Variants in UGT2A2 observed in about 807,000 individuals in gnomAD.
The protein encoded by UGT2A2 is UDP glucuronosyltransferase family 2 member A2, also known as UDP-glucuronosyltransferase 2A2.
A neutral mutation model predicts 50.7 loss-of-function variants in UGT2A2; 60 were observed. The ratio of observed to expected loss-of-function variants is 1.18; its 90% confidence interval spans 0.96 to 1.47. The LOEUF is 1.47. UGT2A2 is among the 40% of genes most tolerant of loss of function. The pLI, the probability that UGT2A2 is intolerant of heterozygous loss-of-function variation, is 0.00. For missense variants in UGT2A2, 762 were observed against 634.0 expected (o/e 1.20, Z -2.17); for synonymous variants, 242 against 214.6 (o/e 1.13, Z -1.11).
chr4:69,605,766 A>G (rs574437317), intron 1 of UGT2A2, among the ~76,000 whole-genome samples: 2 of 137,334 alleles, frequency 1.5e-5, no homozygotes, highest in South Asian at 4.7e-4. Flanking sequence ...ACAGAAATAC[A>G]AAGTACCATC....
chr4:69,634,907 T>G (rs893576725), intron 1 of UGT2A2, among the ~76,000 whole-genome samples: 1 of 152,122 alleles, frequency 6.6e-6, no homozygotes, highest in Admixed American at 6.5e-5. Context: ...CTGGAGTGTC[T>G]CATTAACTGT....
chr4:69,634,565 T>G (rs1577995985), intron 1 of UGT2A2, among the ~76,000 whole-genome samples: 1 of 152,156 alleles, frequency 6.6e-6, no homozygotes, highest in East Asian at 1.9e-4. Flanking sequence ...GGCTGTTTTT[T>G]TCTTAAGTTA....
chr4:69,613,565 C>T (rs1203721101), intron 1 of UGT2A2, among the ~76,000 whole-genome samples: 1 of 151,920 alleles, frequency 6.6e-6, no homozygotes, highest in Non-Finnish European at 1.5e-5. Context: ...AACATAGACA[C>T]AAACATCTTA....
rs1409689683 is a variant in UGT2A2 at position 69,588,570 on chromosome 4, AATG to A, written c.*799_*801del. ...TACAGTTGACTAAAAATTTTATAAAAATGATAATTATTTTCTAGATTTCTAATT... is the reference window on the plus strand; with the variant it reads ...TACAGTTGACTAAAAATTTTATAAAAATAATTATTTTCTAGATTTCTAATT... On this transcript the variant is annotated 3_prime_UTR_variant, in exon 6 of 6. Transcript: ENST00000604629. 3 of 152,118 alleles carry A rather than the reference AATG, an allele frequency of 2.0e-5. No individual in the cohort carries two copies. Among genetic ancestry groups the A allele is most frequent in the African/African-American group, 7.2e-5 (3 of 41,454 alleles). The allele number at this position is 152,118 out of a possible 1,614,324, so 9.4% of individuals were successfully genotyped here. A position where few individuals can be genotyped will look rare whatever the true frequency, so the allele number is the denominator to read the frequency against.
At chr4:69,610,612 G>T (rs999490064) in intron 1 of UGT2A2, among the ~76,000 whole-genome samples, 1 of 152,108 alleles carries the variant, frequency 6.6e-6, no homozygotes, top group Non-Finnish European at 1.5e-5. Context: ...TGAAGATAAG[G>T]CCTTTAGAGA....
chr4:69,599,581 A>T (rs1560470073), intron 1 of UGT2A2, 187 bp from the exon 2 acceptor site: 3 of 832,440 alleles, frequency 3.6e-6, no homozygotes, highest in Non-Finnish European at 4.9e-6. Flanking sequence ...AGGAAGGAGG[A>T]AGGAAGAAAA....
Position 69,618,187 on chromosome 4 carries a change from ATG to A in UGT2A2, c.743-18795_743-18794del, listed in dbSNP as rs72430246. On this transcript the variant is annotated intron_variant, in intron 1 of 5. Coordinates refer to ENST00000604629, the MANE Select transcript of UGT2A2 (RefSeq NM_001105677.2). ...TTCACAGATAAATAGGCCAGTAAGC[ATG>A]TGTGTGTGTGTGTGTGTGTGTGTGT... is the stretch of plus-strand genomic sequence containing the variant. 4.0e-3 allele frequency among the ~76,000 whole-genome samples: 571 copies of A among 144,422 alleles called. 1 individual carries two copies. Among genetic ancestry groups the A allele is most frequent in the South Asian group, 0.011 (51 of 4,474 alleles). The allele number at this position is 144,422 out of a possible 152,430, so 94.7% of individuals were successfully genotyped here.
At chr4:69,595,345 G>A in intron 3 of UGT2A2, 96 bp from the exon 4 acceptor site, 2 of 1,402,282 alleles carry the variant, frequency 1.4e-6, no homozygotes, top group Non-Finnish European at 2.0e-6. Context: ...CAGCTACTTG[G>A]AAGACGGGAA....
chr4:69,620,566 A>G (rs1364514030), intron 1 of UGT2A2, among the ~76,000 whole-genome samples: 1 of 151,868 alleles, frequency 6.6e-6, no homozygotes, highest in Admixed American at 6.6e-5. Flanking sequence ...AAAGCAATTT[A>G]GAGATTCAAG....
At chr4:69,616,071 G>T (rs1485805055) in intron 1 of UGT2A2, among the ~76,000 whole-genome samples, 1 of 151,978 alleles carries the variant, frequency 6.6e-6, no homozygotes, top group Non-Finnish European at 1.5e-5. Flanking sequence ...TAACTTGGAT[G>T]AATCTAGAGT....
chr4:69,614,268 C>T (rs1349118637), intron 1 of UGT2A2, among the ~76,000 whole-genome samples: 9 of 151,648 alleles, frequency 5.9e-5, no homozygotes, highest in Non-Finnish European at 8.8e-5. Flanking sequence ...GAATCAAATA[C>T]GAGAAATATA....
intron 1 of UGT2A2, among the ~76,000 whole-genome samples, chr4:69,607,621 A>G (rs1333530818): frequency 6.6e-6 from 1 of 152,186 alleles, no homozygotes; most frequent in South Asian, 2.1e-4. Context: ...CTACCATCAG[A>G]GTGAACAGGC....
intron 1 of UGT2A2, among the ~76,000 whole-genome samples, chr4:69,607,448 C>T (rs1027059507): frequency 4.1e-4 from 62 of 152,020 alleles, no homozygotes; most frequent in Admixed American, 7.2e-4. Flanking sequence ...ACATGTTAGA[C>T]CTAAAACCAT....
chr4:69,589,778 G>T (rs1212392064), intron 5 of UGT2A2, 127 bp from the exon 6 acceptor site: 1 of 1,345,086 alleles, frequency 7.4e-7, no homozygotes, highest in Non-Finnish European at 1.0e-6. Context: ...TATAATTCTT[G>T]CATGAACTTT....
At chr4:69,618,221 T>TTGTGTGTGTGTGTGTGTG (rs112693693) in intron 1 of UGT2A2, among the ~76,000 whole-genome samples, 2 of 144,640 alleles carry the variant, frequency 1.4e-5, no homozygotes, top group East Asian at 2.0e-4. Flanking sequence ...GTGTGTATGT[T>TTGTGTGTGTGTGTGTGTG]TGTGTGTGTG....
chr4:69,634,530 G>T (rs766267225), intron 1 of UGT2A2, among the ~76,000 whole-genome samples: 1 of 152,102 alleles, frequency 6.6e-6, no homozygotes, highest in Admixed American at 6.5e-5. Context: ...TTGCAGACAA[G>T]TTGGATAGAG....
chr4:69,635,360 A>G (rs907920305), intron 1 of UGT2A2, among the ~76,000 whole-genome samples: 1 of 152,178 alleles, frequency 6.6e-6, no homozygotes. Flanking sequence ...TGGAAACCCA[A>G]AAGACACATG....
chr4:69,592,416 G>A (rs892702453), intron 5 of UGT2A2, among the ~76,000 whole-genome samples: 32 of 152,142 alleles, frequency 2.1e-4, no homozygotes, highest in Non-Finnish European at 4.0e-4. Context: ...AATGCATTTA[G>A]GTATTGCATA....
intron 4 of UGT2A2, among the ~76,000 whole-genome samples, 193 bp from the exon 5 acceptor site, chr4:69,594,889 C>T (rs149978147): frequency 1.3e-5 from 2 of 152,238 alleles, no homozygotes; most frequent in East Asian, 3.9e-4. Context: ...ACAGCATTTG[C>T]ATTTTCTGGG....
Sources: gnomAD v4.1 joint callset for allele counts (sites outside exome capture counted in the v4.1 genomes callset) on GRCh38, gnomAD v4.1.1 for gene constraint, MANE v1.5 for transcripts, NCBI Gene and HGNC (gene_info 2026-07-23, HGNC 2026-07-21) for gene names.